Variants in FOXP2 observed in about 807,000 individuals in gnomAD.
FOXP2 encodes the protein forkhead box protein P2.
Under a neutral mutation model 115.8 loss-of-function variants are expected in FOXP2, and 12 were observed. The ratio of observed to expected loss-of-function variants is 0.10; its 90% CI spans 0.07 to 0.17. FOXP2 has a LOEUF of 0.17. Ranked by LOEUF, FOXP2 falls within the 10% of genes least tolerant of loss-of-function variation. FOXP2 has a pLI of 1.00. For missense variants in FOXP2, 629 were observed against 843.5 expected, an observed-to-expected ratio of 0.75 and a Z score of 3.15; for synonymous variants, 328 against 297.7, an observed-to-expected ratio of 1.10 and a Z score of -1.05.
At chr7:114,376,669 T>G (rs1484769622) in intron 2 of FOXP2, among the ~76,000 whole-genome samples, 2 of 152,124 alleles carry the variant, frequency 1.3e-5, no homozygotes, top group Non-Finnish European at 2.9e-5. Context: ...GGAGGGTAAC[T>G]GAGGAGATGG....
chr7:114,599,766 T>C (rs1363892247), intron 3 of FOXP2, among the ~76,000 whole-genome samples: 1 of 152,174 alleles, frequency 6.6e-6, no homozygotes, highest in Non-Finnish European at 1.5e-5. Context: ...TAAGTATTGA[T>C]GAAATTATGT....
At chr7:114,678,173 C>T (rs974406218) in intron 16 of FOXP2, among the ~76,000 whole-genome samples, 10 of 151,664 alleles carry the variant, frequency 6.6e-5, no homozygotes, top group African/African-American at 2.4e-4. Flanking sequence ...ACTTTTTTTT[C>T]CTAAAAAATA....
At chr7:114,585,115 A>G (rs190821036) in intron 3 of FOXP2, among the ~76,000 whole-genome samples, 122 of 152,312 alleles carry the variant, frequency 8.0e-4, no homozygotes, top group Middle Eastern at 3.4e-3. Flanking sequence ...ATCAAATGGT[A>G]GTTTATCCTT....
intron 2 of FOXP2, among the ~76,000 whole-genome samples, chr7:114,431,036 T>C (rs571565134): frequency 6.6e-6 from 1 of 152,090 alleles, no homozygotes; most frequent in South Asian, 2.1e-4. Context: ...ATCTATTTAC[T>C]ATGCAGTGTT....
At chr7:114,472,556 C>T (rs1353236272) in intron 2 of FOXP2, among the ~76,000 whole-genome samples, 1 of 152,052 alleles carries the variant, frequency 6.6e-6, no homozygotes, top group African/African-American at 2.4e-5. Context: ...TCATGTTAGC[C>T]AGGCTGGTCT....
intron 1 of FOXP2, among the ~76,000 whole-genome samples, chr7:114,102,026 A>C (rs1790981908): frequency 1.3e-5 from 2 of 151,554 alleles, no homozygotes; most frequent in African/African-American, 2.4e-5. Context: ...ATCATCCCTT[A>C]GTTAATATTT....
chr7:114,628,795 C>A, intron 4 of FOXP2, 118 bp downstream of exon 4: 1 of 1,189,904 alleles, frequency 8.4e-7, no homozygotes, highest in South Asian at 1.2e-5. Flanking sequence ...AACCTATTAG[C>A]GTGCTAGAAC....
At chr7:114,369,893 C>A (rs1791963218) in intron 2 of FOXP2, among the ~76,000 whole-genome samples, 1 of 152,018 alleles carries the variant, frequency 6.6e-6, no homozygotes, top group Non-Finnish European at 1.5e-5. Flanking sequence ...TATTTCCCTG[C>A]TCATTTCTAT....
intron 8 of FOXP2, among the ~76,000 whole-genome samples, chr7:114,646,549 C>T (rs986676643): frequency 6.6e-6 from 1 of 151,970 alleles, no homozygotes; most frequent in African/African-American, 2.4e-5. Context: ...GTTCCAAAGA[C>T]TGACCATTTT....
intron 1 of FOXP2, among the ~76,000 whole-genome samples, chr7:114,251,041 T>A (rs1795429194): frequency 6.6e-6 from 1 of 152,250 alleles, no homozygotes; most frequent in African/African-American, 2.4e-5. Flanking sequence ...CAGCACCATT[T>A]ATTAAATAGG....
intron 1 of FOXP2, among the ~76,000 whole-genome samples, chr7:114,253,405 C>T (rs1397578487): frequency 6.6e-6 from 1 of 152,024 alleles, no homozygotes; most frequent in Non-Finnish European, 1.5e-5. Flanking sequence ...TAAAGTCTCC[C>T]ATTATTATTA....
At chr7:114,463,022 T>A (rs941711959) in intron 2 of FOXP2, 10 of 425,878 alleles carry the variant, frequency 2.3e-5, no homozygotes, top group Admixed American at 1.3e-4. Context: ...TTGTATTTTT[T>A]AAATTTCATT....
At chr7:114,152,153 A>G (rs1413078898) in intron 1 of FOXP2, among the ~76,000 whole-genome samples, 1 of 152,198 alleles carries the variant, frequency 6.6e-6, no homozygotes, top group Non-Finnish European at 1.5e-5. Flanking sequence ...ATAAAATAAT[A>G]GTATAATTAA....
At chr7:114,607,824 AC>A (rs1469553211) in intron 3 of FOXP2, among the ~76,000 whole-genome samples, 1 of 152,208 alleles carries the variant, frequency 6.6e-6, no homozygotes, top group African/African-American at 2.4e-5. Flanking sequence ...ATTTTTGAAA[AC>A]TAATGAATAA....
intron 1 of FOXP2, among the ~76,000 whole-genome samples, chr7:114,266,250 G>A (rs1291876378): frequency 6.6e-6 from 1 of 152,048 alleles, no homozygotes; most frequent in Non-Finnish European, 1.5e-5. Flanking sequence ...CAGTTCCAAA[G>A]TCACCTCCAC....
At chr7:114,342,394 T>G (rs1373353578) in intron 2 of FOXP2, among the ~76,000 whole-genome samples, 1 of 151,446 alleles carries the variant, frequency 6.6e-6, no homozygotes, top group Non-Finnish European at 1.5e-5. Context: ...AAGAATAGCC[T>G]ATCATATCTT....
chr7:114,293,219 G>C (rs547131987), intron 2 of FOXP2, among the ~76,000 whole-genome samples: 21 of 152,212 alleles, frequency 1.4e-4, no homozygotes, highest in African/African-American at 5.1e-4. Context: ...TTTCTGATTA[G>C]GTTATGCATG....
intron 3 of FOXP2, among the ~76,000 whole-genome samples, chr7:114,567,066 AG>A (rs1344854594): frequency 1.3e-5 from 2 of 152,102 alleles, no homozygotes; most frequent in Admixed American, 1.3e-4. Context: ...GAGAGTCTTT[AG>A]TATGTATCAT....
At chr7:114,419,410 C>A (rs1793496161) in intron 1 of FOXP2, among the ~76,000 whole-genome samples, 1 of 151,850 alleles carries the variant, frequency 6.6e-6, no homozygotes, top group Admixed American at 6.6e-5. Context: ...AAAATAGTTA[C>A]ATGTTGTGTG....
Sources: gnomAD v4.1 joint callset for allele counts (sites outside exome capture counted in the v4.1 genomes callset) on GRCh38, gnomAD v4.1.1 for gene constraint, MANE v1.5 for transcripts, NCBI Gene and HGNC (gene_info 2026-07-23, HGNC 2026-07-21) for gene names.